CSMD2: variants seen among roughly 807,000 people sequenced by gnomAD.
CSMD2 encodes CUB and sushi domain-containing protein 2.
CSMD2 carries 130 observed loss-of-function variants against 398.5 expected under a neutral mutation model. That is an observed-to-expected ratio of 0.33 (90% CI 0.28 to 0.38). CSMD2 has a LOEUF of 0.38. Among genes scored for constraint, CSMD2 ranks in the 10% least tolerant of loss-of-function variants. The pLI is 1.00. For synonymous variants in CSMD2, 1,828 were observed against 1,908.5 expected (o/e 0.96, Z 1.10); for missense variants, 3,829 against 4,764.9 (o/e 0.80, Z 5.78).
intron 13 of CSMD2, among the ~76,000 whole-genome samples, chr1:33,764,714 T>C (rs562409794): frequency 6.6e-6 from 1 of 152,374 alleles, no homozygotes; most frequent in South Asian, 2.1e-4. Flanking sequence ...ATGCTGAGGC[T>C]GATGCATTTA....
At chr1:33,896,167 A>G (rs1221388961) in intron 5 of CSMD2, among the ~76,000 whole-genome samples, 3 of 152,222 alleles carry the variant, frequency 2.0e-5, no homozygotes, top group African/African-American at 7.2e-5. Flanking sequence ...TGCTCATCAG[A>G]AAACCAATGA....
rs959852430 is a variant in CSMD2, at chr1:33,559,836, G to C, written c.8381-363C>G. ...TTGCTGGGTATACTGATGGCCAACT[G>C]TCAGCTGGTTTAGGCCCATCCTCAT... is the stretch of plus-strand genomic sequence containing the variant. On this transcript the variant is annotated intron_variant, in intron 53 of 70. Coordinates refer to ENST00000373381, the MANE Select transcript of CSMD2 (RefSeq NM_001281956.2). This position sits in a 1 kb window ranked among gnomAD's most constrained non-coding sequence, Gnocchi z 4.0. Among the ~76,000 whole-genome samples, 2 of 152,088 alleles carry C rather than the reference G, an allele frequency of 1.3e-5. No homozygotes were observed. Among genetic ancestry groups the C allele is most frequent in the African/African-American group, 4.8e-5 (2 of 41,404 alleles).
chr1:33,571,727 C>T lies in CSMD2; in HGVS notation c.7763-1G>A, dbSNP rs1659617124. 2 of 1,470,912 alleles carry T rather than the reference C, an allele frequency of 1.4e-6. No individual in the cohort carries two copies. The highest frequency in any genetic ancestry group is 1.8e-6 in the Non-Finnish European group (2 of 1,095,754). The allele number at this position is 1,470,912 out of a possible 1,614,324, so 91.1% of individuals were successfully genotyped here. Reference sequence around the variant, plus strand: ...CTACTGACATCAGGACAAGTCACAGCTGGGGAAATGAGGAAAAGAAAGGAG... The same window carrying T: ...CTACTGACATCAGGACAAGTCACAGTTGGGGAAATGAGGAAAAGAAAGGAG... On this transcript the variant is annotated splice_acceptor_variant, in intron 50 of 70. Coordinates refer to ENST00000373381, the MANE Select transcript of CSMD2 (RefSeq NM_001281956.2). LOFTEE classifies it high-confidence loss of function.
chr1:33,643,034 C>A (rs540032469), intron 29 of CSMD2, among the ~76,000 whole-genome samples: 1 of 152,304 alleles, frequency 6.6e-6, no homozygotes, highest in African/African-American at 2.4e-5. Flanking sequence ...CTAAGCAAGA[C>A]CCCTGAAGCC....
chr1:33,928,722 G>A (rs1644210261), intron 4 of CSMD2, among the ~76,000 whole-genome samples: 1 of 152,174 alleles, frequency 6.6e-6, no homozygotes, highest in South Asian at 2.1e-4. Flanking sequence ...TAGCAGTAGA[G>A]TTACCCTATC....
chr1:34,053,920 G>A (rs1026384919), intron 2 of CSMD2, among the ~76,000 whole-genome samples: 1 of 152,184 alleles, frequency 6.6e-6, no homozygotes, highest in African/African-American at 2.4e-5. Context: ...GGCTCTAGCA[G>A]CCTGCGGCAG....
At chr1:33,704,173 T>C (rs1164512532) in intron 22 of CSMD2, among the ~76,000 whole-genome samples, 1 of 152,238 alleles carries the variant, frequency 6.6e-6, no homozygotes, top group Non-Finnish European at 1.5e-5. Context: ...TTGCAAGTTT[T>C]ATTTGGTTAT....
At chr1:33,858,560 A>G (rs2125106784) in intron 5 of CSMD2, among the ~76,000 whole-genome samples, 1 of 152,316 alleles carries the variant, frequency 6.6e-6, no homozygotes. Flanking sequence ...TGATGTACCC[A>G]AAGTATGATC....
chr1:33,754,485 C>A (rs1407233139), intron 13 of CSMD2, among the ~76,000 whole-genome samples: 1 of 152,120 alleles, frequency 6.6e-6, no homozygotes, highest in Non-Finnish European at 1.5e-5. Flanking sequence ...GAACTGTGAG[C>A]CAAATTCAAA....
chr1:33,683,833 C>T (rs933479949), intron 25 of CSMD2, among the ~76,000 whole-genome samples: 2 of 152,188 alleles, frequency 1.3e-5, no homozygotes, highest in African/African-American at 4.8e-5. Flanking sequence ...AAAGGAATAC[C>T]CCACTGTGTG....
At chr1:33,748,402 T>A (rs1647691919) in intron 13 of CSMD2, among the ~76,000 whole-genome samples, 1 of 152,178 alleles carries the variant, frequency 6.6e-6, no homozygotes, top group Non-Finnish European at 1.5e-5. Flanking sequence ...TGCTCATGGA[T>A]CTTGATGTCG....
chr1:33,820,172 G>A (rs769769856), intron 8 of CSMD2, among the ~76,000 whole-genome samples: 7 of 152,136 alleles, frequency 4.6e-5, no homozygotes, highest in East Asian at 3.9e-4. Flanking sequence ...TATTGCAGGC[G>A]CGAGTTGCCT....
Position 33,792,448 on chromosome 1 carries a change from C to A in CSMD2, c.1525G>T (p.Gly509Trp). 1 of 1,613,832 alleles carries A rather than the reference C, an allele frequency of 6.2e-7. No homozygotes were observed. The highest frequency in any genetic ancestry group is 1.3e-5 in the African/African-American group (1 of 75,012). ...ATGTAGAGAACTGTCTTCTGGTCCC[C>A]ATCCTGACCACCATCACCGACCGTC... Reference protein sequence around the residue: ...TLTVGDGGQDGDQKTVLYILT... With the variant: ...TLTVGDGGQDWDQKTVLYILT... Residue 509 changes from glycine (G) to tryptophan (W), a missense_variant, in exon 11 of 71, where the codon GGG becomes TGG. Physicochemically the swap from Gly to Trp is radical, Grantham distance 184 (BLOSUM62 -2). Around this residue, in one of 5 missense-constraint regions of CSMD2, gnomAD observed 2,001 missense variants for 2,567.1 expected, o/e 0.78. Transcript: ENST00000373381.
chr1:33,886,975 GT>G (rs200257473), intron 5 of CSMD2, among the ~76,000 whole-genome samples: 19 of 147,304 alleles, frequency 1.3e-4, no homozygotes, highest in South Asian at 2.2e-4. Context: ...AGACTCAGAG[GT>G]TTTTTTTTTT....
At chr1:33,779,550 G>A (rs933210760) in intron 12 of CSMD2, among the ~76,000 whole-genome samples, 14 of 152,118 alleles carry the variant, frequency 9.2e-5, no homozygotes, top group South Asian at 2.1e-4. Context: ...GAGCCCAGCC[G>A]CCCCTCAGAT....
intron 5 of CSMD2, among the ~76,000 whole-genome samples, chr1:33,872,986 C>T (rs1301800961): frequency 6.6e-6 from 1 of 152,202 alleles, no homozygotes; most frequent in Non-Finnish European, 1.5e-5. Context: ...CATTTTCCTC[C>T]CTTTGAGTAG....
intron 51 of CSMD2, among the ~76,000 whole-genome samples, chr1:33,570,775 T>A (rs764796147): frequency 6.6e-6 from 1 of 152,124 alleles, no homozygotes; most frequent in African/African-American, 2.4e-5. Context: ...CCAGCCTGCA[T>A]CCAGTGGCTG....
At chr1:33,978,313 T>A (rs572878441) in intron 3 of CSMD2, among the ~76,000 whole-genome samples, 2 of 152,334 alleles carry the variant, frequency 1.3e-5, no homozygotes, top group African/African-American at 4.8e-5. Context: ...ATTCTATTAT[T>A]CAACATACAA....
Position 33,602,442 on chromosome 1 carries a change from G to A in CSMD2, c.6637C>T (p.Pro2213Ser), listed in dbSNP as rs573603633. 22 of 1,614,032 alleles carry A rather than the reference G, an allele frequency of 1.4e-5. No individual in the cohort carries two copies. In the East Asian group the frequency reaches 4.9e-4, roughly 36 times the overall value. Residue 2213 changes from proline to serine, a missense_variant, in exon 43 of 71, where the codon CCC becomes TCC. Transcript: ENST00000373381. ...SQDCVWLITV[P>S]IGHGVRLNLS... Reference sequence around the variant, plus strand: ...TTGAGGCGGACGCCATGGCCAATGGGCACGGTGATCAGCCAGACACAGTCC... The same window carrying A: ...TTGAGGCGGACGCCATGGCCAATGGACACGGTGATCAGCCAGACACAGTCC...
Sources: allele counts gnomAD v4.1 joint callset (sites outside exome capture counted in the v4.1 genomes callset), GRCh38; gene constraint gnomAD v4.1.1; regional missense constraint gnomAD v4.1.1; non-coding constraint Gnocchi (gnomAD v3.1); transcripts MANE v1.5; gene names NCBI Gene and HGNC (gene_info 2026-07-23, HGNC 2026-07-21).